Variants in NBEA observed in about 807,000 individuals in gnomAD.
NBEA encodes the protein lysosomal-trafficking regulator 2.
Under a neutral mutation model 343.4 loss-of-function variants are expected in NBEA, and 44 were observed. The observed-to-expected ratio is 0.13, with a 90% confidence interval of 0.10 to 0.16. The LOEUF (loss-of-function observed/expected upper bound fraction) is 0.16, where lower values mean the gene tolerates loss of function less well. NBEA is among the 10% of genes least tolerant of loss of function. The pLI, the probability that NBEA is intolerant of heterozygous loss-of-function variation, is 1.00. For missense variants in NBEA, 2,555 were observed against 3,631.3 expected (o/e 0.70, Z 7.62); for synonymous variants, 1,175 against 1,238.7 (o/e 0.95, Z 1.08).
chr13:35,416,595 C>T (rs1363117454), intron 38 of NBEA, among the ~76,000 whole-genome samples: 2 of 152,134 alleles, frequency 1.3e-5, no homozygotes, highest in Non-Finnish European at 1.5e-5. Flanking sequence ...CCAACTTGAT[C>T]GTGGTGGATA....
At chr13:35,124,501 C>G (rs1404674453) in intron 17 of NBEA, among the ~76,000 whole-genome samples, 1 of 147,504 alleles carries the variant, frequency 6.8e-6, no homozygotes, top group Admixed American at 6.7e-5. Context: ...TGTGTATACA[C>G]ACACACACAC....
At chr13:35,499,027 G>A (rs941745215) in intron 41 of NBEA, among the ~76,000 whole-genome samples, 1 of 152,056 alleles carries the variant, frequency 6.6e-6, no homozygotes, top group African/African-American at 2.4e-5. Flanking sequence ...TATAACCCAA[G>A]TTAATTATAA....
intron 41 of NBEA, chr13:35,474,617 A>G (rs1301333046): frequency 1.3e-5 from 2 of 155,860 alleles, no homozygotes; most frequent in Admixed American, 1.3e-4. Flanking sequence ...ATGTGAGATC[A>G]CAATATTTGT....
At chr13:35,021,984 C>T (rs1425485142) in intron 1 of NBEA, among the ~76,000 whole-genome samples, 5 of 152,102 alleles carry the variant, frequency 3.3e-5, no homozygotes, top group African/African-American at 1.2e-4. Context: ...AAGTTACTTA[C>T]ATTTCTCATA....
intron 48 of NBEA, among the ~76,000 whole-genome samples, chr13:35,618,083 A>C (rs941995025): frequency 3.3e-5 from 5 of 152,208 alleles, no homozygotes; most frequent in Non-Finnish European, 7.3e-5. Flanking sequence ...TAGTATATTT[A>C]TAATTTTGAC....
Position 35,417,734 on chromosome 13 carries a change from G to A in NBEA, c.6180-14535G>A, listed in dbSNP as rs186106741. ...TCTGTTGATGTGGGGTGGAGGTTCT[G>A]TAGATGTCTATTAGGTCCTCTTGGT... On this transcript the variant is annotated intron_variant, in intron 38 of 58. Transcript: ENST00000379939. Among the ~76,000 whole-genome samples, 40 of 152,298 alleles carry A rather than the reference G, an allele frequency of 2.6e-4. 1 individual carries two copies. The highest frequency in any genetic ancestry group is 1.7e-3 in the East Asian group (9 of 5,186).
At chr13:35,493,428 A>C (rs2076566492) in intron 41 of NBEA, among the ~76,000 whole-genome samples, 1 of 151,988 alleles carries the variant, frequency 6.6e-6, no homozygotes, top group South Asian at 2.1e-4. Context: ...CTAACATTCC[A>C]TATGAAAGTG....
In NBEA at chr13:35,408,055, C is replaced by G. The variant is rs1415803872; in HGVS notation, c.6180-24214C>G. ...CCAAAAATAGCCCAAATAGCCAATG[C>G]AATCATAAGCAAAAATAATAAAGCT... On this transcript the variant is annotated intron_variant, in intron 38 of 58. Transcript: ENST00000379939. 3.3e-5 allele frequency among the ~76,000 whole-genome samples: 5 copies of G among 152,106 alleles called. No individual in the cohort carries two copies. The East Asian group carries it at 9.6e-4, about 29-fold the overall frequency.
intron 1 of NBEA, among the ~76,000 whole-genome samples, chr13:35,025,458 T>A (rs1029244370): frequency 1.3e-5 from 2 of 152,178 alleles, no homozygotes; most frequent in African/African-American, 4.8e-5. Context: ...GTTGACTTTG[T>A]TGAAGATCAG....
At chr13:35,627,533 A>G (rs12429343) in intron 48 of NBEA, among the ~76,000 whole-genome samples, 213 of 152,196 alleles carry the variant, frequency 1.4e-3, no homozygotes, top group African/African-American at 4.7e-3. Context: ...CAAACATCCA[A>G]AATTGCCCAG....
intron 41 of NBEA, among the ~76,000 whole-genome samples, chr13:35,533,455 C>G (rs1280171452): frequency 6.6e-6 from 1 of 151,932 alleles, no homozygotes; most frequent in African/African-American, 2.4e-5. Context: ...TAGGTATGTC[C>G]CTTTCTCCCT....
chr13:35,611,603 T>C (rs2082526495), intron 48 of NBEA, among the ~76,000 whole-genome samples: 4 of 152,314 alleles, frequency 2.6e-5, no homozygotes, highest in African/African-American at 7.2e-5. Context: ...CCAAGGCAAC[T>C]GCTAATCAAC....
At chr13:35,028,251 ATTTG>A (rs2062082058) in intron 1 of NBEA, among the ~76,000 whole-genome samples, 1 of 151,910 alleles carries the variant, frequency 6.6e-6, no homozygotes, top group Non-Finnish European at 1.5e-5. Context: ...TTATATGTTA[ATTTG>A]AGGAGAGTTG....
chr13:35,373,555 A>C (rs2041566431), intron 38 of NBEA, among the ~76,000 whole-genome samples: 1 of 124,078 alleles, frequency 8.1e-6, no homozygotes, highest in Admixed American at 7.6e-5. Flanking sequence ...AAATACAAAA[A>C]TTAGCCGGGC....
intron 33 of NBEA, among the ~76,000 whole-genome samples, chr13:35,230,472 TTAAA>T (rs1364570511): frequency 4.6e-5 from 7 of 152,234 alleles, no homozygotes; most frequent in Admixed American, 1.3e-4. Context: ...CTTATTAATC[TTAAA>T]TAAAAATAAT....
intron 36 of NBEA, among the ~76,000 whole-genome samples, chr13:35,325,310 A>G (rs1016412523): frequency 2.0e-5 from 3 of 152,098 alleles, no homozygotes; most frequent in Admixed American, 2.0e-4. Context: ...TTAGTTTTTT[A>G]AAATTTTTAA....
At chr13:35,123,968 T>A (rs1464777600) in intron 17 of NBEA, among the ~76,000 whole-genome samples, 1 of 152,076 alleles carries the variant, frequency 6.6e-6, no homozygotes, top group Non-Finnish European at 1.5e-5. Context: ...GCTGAGTCAG[T>A]ATTTGTTATT....
chr13:35,539,915 CAAAAAAAAAAA>C (rs71081262), intron 41 of NBEA, among the ~76,000 whole-genome samples: 10,273 of 39,728 alleles, frequency 0.26, 936 homozygotes, highest in East Asian at 0.49. Context: ...GACTCCGTCT[CAAAAAAAAAAA>C]AAAAAAAAAA....
intron 34 of NBEA, among the ~76,000 whole-genome samples, chr13:35,278,699 A>G (rs1267152212): frequency 2.0e-5 from 3 of 152,182 alleles, no homozygotes; most frequent in Non-Finnish European, 4.4e-5. Context: ...TCAGCCCAGT[A>G]AGACCTGAAG....
Sources: gnomAD v4.1 joint callset for allele counts (sites outside exome capture counted in the v4.1 genomes callset) on GRCh38, gnomAD v4.1.1 for gene constraint, MANE v1.5 for transcripts, NCBI Gene and HGNC (gene_info 2026-07-23, HGNC 2026-07-21) for gene names.